PTPRN: variants seen among roughly 807,000 people sequenced by gnomAD.
The protein encoded by PTPRN is protein tyrosine phosphatase receptor type N.
In PTPRN, 70 loss-of-function variants were observed where a neutral mutation model predicts 108.5. That is an observed-to-expected ratio of 0.65 (90% CI 0.53 to 0.79). The LOEUF (loss-of-function observed/expected upper bound fraction) is 0.79, where lower values mean the gene tolerates loss of function less well. Ranked by LOEUF, PTPRN falls within the 30% of genes least tolerant of loss-of-function variation. The pLI, the probability that PTPRN is intolerant of heterozygous loss-of-function variation, is 0.00. For synonymous variants in PTPRN, 496 were observed against 524.6 expected, an observed-to-expected ratio of 0.95 and a Z score of 0.75; for missense variants, 1,136 against 1,295.5, an observed-to-expected ratio of 0.88 and a Z score of 1.89.
intron 18 of PTPRN, chr2:219,295,365 T>TC (rs1574914857): frequency 1.9e-6 from 1 of 522,042 alleles, no homozygotes; most frequent in East Asian, 3.5e-5. Context: ...TGTGAGCCTC[T>TC]CGAGGTCGGA....
chr2:219,308,111 GGA>G (rs1297689724), intron 1 of PTPRN: 2 of 464,768 alleles, frequency 4.3e-6, no homozygotes, highest in Non-Finnish European at 7.7e-6. Context: ...CCAGGTGCAG[GGA>G]GAGAGATTCA....
rs561246853 is a variant in PTPRN at position 219,293,409 on chromosome 2, A to T, written c.2675+1566T>A. Among the ~76,000 whole-genome samples the T allele has an allele frequency of 1.4e-4, 22 of 152,162 alleles. No individual in the cohort carries two copies. In the South Asian group the frequency reaches 4.6e-3, roughly 32 times the overall value. ...TGGCCAGTCTGGTCTTGAACTCCTG[A>T]TCTCAAGTGATCCACCCACCTCGGC... On this transcript the variant is annotated intron_variant, in intron 19 of 22. Coordinates refer to ENST00000295718, the MANE Select transcript of PTPRN (RefSeq NM_002846.4).
At position 219,296,856 on chromosome 2, in the gene PTPRN, C is replaced by G. The variant is rs1289782551; in HGVS notation, c.2237-34G>C. ...ACCCGACACCCCACCCCAGATGGCC[C>G]TCTGGTCATTGGCATCGCGGGACCT... On this transcript the variant is annotated intron_variant, in intron 15 of 22. Coordinates refer to ENST00000295718, the MANE Select transcript of PTPRN (RefSeq NM_002846.4). The surrounding 1 kb of genome is among the most constrained non-coding windows in gnomAD (Gnocchi z 6.0). 4 of 1,613,864 alleles carry G rather than the reference C, an allele frequency of 2.5e-6. No homozygotes were observed. In the South Asian group the frequency reaches 4.4e-5, roughly 18 times the overall value.
chr2:219,300,834 T>C (rs904352417), intron 8 of PTPRN, 109 bp downstream of exon 8: 9 of 1,277,794 alleles, frequency 7.0e-6, no homozygotes, highest in African/African-American at 1.5e-5. Context: ...TCCCCCAAAA[T>C]GAGGGGTGGG....
In PTPRN at chr2:219,295,111, C is replaced by T. The variant is rs764248510; in HGVS notation, c.2539G>A (p.Glu847Lys). 4 of 1,612,790 alleles carry T rather than the reference C, an allele frequency of 2.5e-6. No homozygotes were observed. In the African/African-American group the frequency reaches 5.3e-5, roughly 22 times the overall value. ...VNLVSEHIWC[E>K]DFLVRSFYLK... ...TAGAAGCTCCGCACCAGAAAGTCCT[C>T]GCACCAGATGTGCTCCGACACCAGG... Residue 847 changes from glutamate to lysine, a missense_variant, in exon 19 of 23, where the codon GAG becomes AAG. Glu to Lys is a moderately conservative substitution (Grantham distance 56). Transcript: ENST00000295718.
intron 12 of PTPRN, 54 bp from the exon 13 acceptor site, chr2:219,298,157 G>T: frequency 3.9e-6 from 6 of 1,558,288 alleles, no homozygotes; most frequent in Non-Finnish European, 5.3e-6. Flanking sequence ...AGGTTTCAGA[G>T]CTGCTCCTCA....
intron 12 of PTPRN, 178 bp downstream of exon 12, chr2:219,298,869 G>A (rs1475530124): frequency 2.8e-6 from 2 of 723,254 alleles, no homozygotes; most frequent in Non-Finnish European, 5.0e-6. Flanking sequence ...GGACACCTAC[G>A]CCATCTGCTG....
At chr2:219,308,240 CG>C (rs1952531687) in intron 1 of PTPRN, 1 of 190,766 alleles carries the variant, frequency 5.2e-6, no homozygotes, top group African/African-American at 2.4e-5. Context: ...ACACTTCCCC[CG>C]GTCGGGGGAA....
Position 219,296,814 on chromosome 2 carries a change from C to T in PTPRN, c.2245G>A (p.Ala749Thr), listed in dbSNP as rs1046245345. The part of the protein sequence containing the change: ...RHPDFLPYDH[A>T]RIKLKVESSP... ...CTCTCCACCTTCAGTTTTATGCGGG[C>T]ATGGTCATCTGCACAGACCCGACAC... The change falls in exon 16 of 23, where the codon GCC becomes ACC. Residue 749 changes from alanine to threonine, a missense_variant. Transcript: ENST00000295718. This position sits in a 1 kb window ranked among gnomAD's most constrained non-coding sequence, Gnocchi z 6.0. 3.7e-6 allele frequency: 6 copies of T among 1,613,940 alleles called. No individual in the cohort carries two copies. In the African/African-American group the frequency reaches 6.7e-5, roughly 18 times the overall value.
At chr2:219,300,465 A>T (rs1456799980) in intron 8 of PTPRN, 1 of 552,340 alleles carries the variant, frequency 1.8e-6, no homozygotes, top group African/African-American at 1.9e-5. Flanking sequence ...GAATGATTGA[A>T]AATGGTCTGT....
In PTPRN at chr2:219,309,125, A is replaced by C. The variant is rs560773677; in HGVS notation, c.115+93T>G. Reference sequence around the variant, plus strand: ...CCAACCCATATTCTCCCCGAGCTTCATGACATTTCACCCTCACCCCCACCG... The same window carrying C: ...CCAACCCATATTCTCCCCGAGCTTCCTGACATTTCACCCTCACCCCCACCG... On this transcript the variant is annotated intron_variant, in intron 1 of 22. Transcript: ENST00000295718. 4.0e-5 allele frequency: 57 copies of C among 1,430,994 alleles called. No individual in the cohort carries two copies. In the East Asian group the frequency reaches 1.4e-3, roughly 35 times the overall value. 88.6% of individuals were successfully genotyped at this position (1,430,994 alleles called of 1,614,324 possible).
rs1952234920 is a variant in PTPRN at position 219,297,652 on chromosome 2, G to A, written c.1888-219C>T. 6.6e-6 allele frequency among the ~76,000 whole-genome samples: 1 copy of A among 152,122 alleles called. No individual in the cohort carries two copies. The highest frequency in any genetic ancestry group is 2.4e-5 in the African/African-American group (1 of 41,418). On this transcript the variant is annotated intron_variant, in intron 13 of 22. Coordinates refer to ENST00000295718, the MANE Select transcript of PTPRN (RefSeq NM_002846.4). This position sits in a 1 kb window ranked among gnomAD's most constrained non-coding sequence, Gnocchi z 6.0. ...AGACATGACAGAGTGGAATCCCAGA[G>A]CCCCAGAAGCACAGCACCAAGAAGA... is the stretch of plus-strand genomic sequence containing the variant.
rs1396046972 is a variant in PTPRN at position 219,296,294 on chromosome 2, C to T, written c.2440G>A (p.Glu814Lys). 6.2e-7 allele frequency: 1 copy of T among 1,614,048 alleles called. No individual in the cohort carries two copies. Among genetic ancestry groups the T allele is most frequent in the African/African-American group, 1.3e-5 (1 of 74,902 alleles). ...CGGTCACACTGCTTGACACCATCCT[C>T]CACCAGCGGGGTCAGCATGACGATG... ...TVIVMLTPLVEDGVKQCDRYW... is the reference protein window; with the variant it reads ...TVIVMLTPLVKDGVKQCDRYW... Residue 814 changes from glutamate (E) to lysine (K), a missense_variant, in exon 18 of 23, where the codon GAG becomes AAG. By Grantham distance (56) the Glu-to-Lys change is moderately conservative (BLOSUM62 1). Transcript: ENST00000295718. The surrounding 1 kb of genome is among the most constrained non-coding windows in gnomAD (Gnocchi z 6.0).
intron 19 of PTPRN, chr2:219,294,138 G>C (rs1559293864): frequency 1.9e-6 from 1 of 531,446 alleles, no homozygotes; most frequent in African/African-American, 1.9e-5. Context: ...TCACTTTTGT[G>C]ACTATGCAAC....
chr2:219,296,951 G>T lies in PTPRN; in HGVS notation c.2236+34C>A. 1 of 1,613,200 alleles carries T rather than the reference G, an allele frequency of 6.2e-7. No individual in the cohort carries two copies. The highest frequency in any genetic ancestry group is 1.1e-5 in the South Asian group (1 of 91,014). On this transcript the variant is annotated intron_variant, in intron 15 of 22. Coordinates refer to ENST00000295718, the MANE Select transcript of PTPRN (RefSeq NM_002846.4). The surrounding 1 kb of genome is among the most constrained non-coding windows in gnomAD (Gnocchi z 6.0). The stretch of plus-strand genomic sequence containing the variant: ...CCTCCAGACCTCGCAGCAGAGAGAG[G>T]GCTGGGCCAGGTGGGCCAGCAGGGT...
rs755625939 is a variant in PTPRN, at chr2:219,290,084, G to C, written c.*142C>G. ...AGGCTGGGCAGGCGTGCCCCTTCTG[G>C]CTTTCCCTTCCTGACTCTTCTAGGA... On this transcript the variant is annotated 3_prime_UTR_variant, in exon 23 of 23. Transcript: ENST00000295718. The surrounding 1 kb of genome is among the most constrained non-coding windows in gnomAD (Gnocchi z 4.2). 1.4e-5 allele frequency: 11 copies of C among 804,914 alleles called. No individual in the cohort carries two copies. The highest frequency in any genetic ancestry group is 2.0e-5 in the Non-Finnish European group (10 of 492,284). 49.9% of individuals were successfully genotyped at this position (804,914 alleles called of 1,614,324 possible). A position where few individuals can be genotyped will look rare whatever the true frequency, so the allele number is the denominator to read the frequency against.
At chr2:219,301,515 T>C in intron 7 of PTPRN, 73 bp downstream of exon 7, 1 of 1,530,534 alleles carries the variant, frequency 6.5e-7, no homozygotes, top group Non-Finnish European at 8.9e-7. Flanking sequence ...CTACTCCAAG[T>C]GGTCTCGAGG....
Position 219,297,057 on chromosome 2 carries a change from C to T in PTPRN, c.2164G>A (p.Glu722Lys), listed in dbSNP as rs1454537768. Residue 722 changes from glutamate to lysine, a missense_variant, in exon 15 of 23, where the codon GAG becomes AAG. By Grantham distance (56) the Glu-to-Lys change is moderately conservative. Transcript: ENST00000295718. This position sits in a 1 kb window ranked among gnomAD's most constrained non-coding sequence, Gnocchi z 6.0. ...TGCGCGGTGGCACAGGTGTTTGGCT[C>T]TGCTTGGTAGGCACAGAGGGCCTGC... ...EWQALCAYQA[E>K]PNTCATAQGE... The T allele has an allele frequency of 5.6e-6, 9 of 1,614,118 alleles. No homozygotes were observed. Among genetic ancestry groups the T allele is most frequent in the Non-Finnish European group, 5.9e-6 (7 of 1,180,040 alleles).
chr2:219,297,477 T>G lies in PTPRN; in HGVS notation c.1888-44A>C. 1.3e-6 allele frequency: 2 copies of G among 1,588,986 alleles called. No homozygotes were observed. The highest frequency in any genetic ancestry group is 8.6e-7 in the Non-Finnish European group (1 of 1,159,090). ...GTGAGGTCCAAGAGTCCCCTGAAAC[T>G]TTTCAACAGGGCCCTGGGTTCAACT... is the stretch of plus-strand genomic sequence containing the variant. On this transcript the variant is annotated intron_variant, in intron 13 of 22. Transcript: ENST00000295718. This position sits in a 1 kb window ranked among gnomAD's most constrained non-coding sequence, Gnocchi z 6.0.
Sources: gnomAD v4.1 joint callset for allele counts (sites outside exome capture counted in the v4.1 genomes callset) on GRCh38, gnomAD v4.1.1 for gene constraint, Gnocchi (gnomAD v3.1) non-coding constraint, MANE v1.5 for transcripts, NCBI Gene and HGNC (gene_info 2026-07-23, HGNC 2026-07-21) for gene names.